MICALL1: variants seen among roughly 807,000 people sequenced by gnomAD.
MICALL1 encodes MICAL like 1.
MICALL1 carries 61 observed loss-of-function variants against 83.7 expected under a neutral mutation model. That is an observed-to-expected ratio of 0.73 (90% CI 0.59 to 0.90). The LOEUF (loss-of-function observed/expected upper bound fraction) is 0.90. Ranked by LOEUF, MICALL1 falls within the 40% of genes least tolerant of loss-of-function variation. The pLI is 0.00. For missense variants in MICALL1, 1,066 were observed against 1,152.0 expected (o/e 0.93, Z 1.08); for synonymous variants, 481 against 473.6 (o/e 1.02, Z -0.20).
intron 1 of MICALL1, among the ~76,000 whole-genome samples, chr22:37,911,475 G>T (rs1928317783): frequency 6.6e-6 from 1 of 152,212 alleles, no homozygotes; most frequent in Non-Finnish European, 1.5e-5. Flanking sequence ...CCAGGCCTCA[G>T]TGTCCTCATC....
chr22:37,927,132 T>A (rs550381142), intron 8 of MICALL1: 1 of 411,256 alleles, frequency 2.4e-6, no homozygotes, highest in South Asian at 7.3e-5. Flanking sequence ...CCAAGGTGGT[T>A]TTGCTGTGGG....
In MICALL1 at chr22:37,922,287, C is replaced by T; in HGVS notation, c.885C>T (p.Ser295=). The change falls in exon 6 of 16, where the codon AGC becomes AGT. Residue 295 remains serine, a synonymous_variant. Coordinates refer to ENST00000215957, the MANE Select transcript of MICALL1 (RefSeq NM_033386.4). Reference sequence around the variant, plus strand: ...CTGGCAAACTACAGGAGCTGGCCAGCCCCCCTGCGGGCCGCCCCACCCCTG... The same window carrying T: ...CTGGCAAACTACAGGAGCTGGCCAGTCCCCCTGCGGGCCGCCCCACCCCTG... ...RVPGKLQELA[S]PPAGRPTPAP... is the part of the protein sequence containing the mutation. The T allele has an allele frequency of 1.3e-6, 2 of 1,560,606 alleles. No homozygotes were observed. Among genetic ancestry groups the T allele is most frequent in the Non-Finnish European group, 8.7e-7 (1 of 1,153,542 alleles).
chr22:37,937,764 G>A lies in MICALL1; in HGVS notation c.2442G>A (p.Lys814=), dbSNP rs2145957339. 1 of 1,613,658 alleles carries A rather than the reference G, an allele frequency of 6.2e-7. No individual in the cohort carries two copies. Among genetic ancestry groups the A allele is most frequent in the East Asian group, 2.2e-5 (1 of 44,854 alleles). ...ATTTCAGGGAGGAAGAGGAAGACAA[G>A]ATGTTGGAAGCCATGATCAAGAAGA... The part of the protein sequence containing the change: ...EDRQREEEED[K]MLEAMIKKKE... Residue 814 remains lysine, a synonymous_variant, in exon 15 of 16, where the codon AAG becomes AAA. Transcript: ENST00000215957.
intron 2 of MICALL1, 56 bp downstream of exon 2, chr22:37,912,056 TG>T: frequency 6.3e-7 from 1 of 1,591,810 alleles, no homozygotes; most frequent in Non-Finnish European, 8.6e-7. Flanking sequence ...TGTGTGTGTG[TG>T]TGTGTGTTTG....
At chr22:37,919,635 CAAAAA>C (rs34083064) in intron 5 of MICALL1, among the ~76,000 whole-genome samples, 1 of 59,702 alleles carries the variant, frequency 1.7e-5, no homozygotes, top group Non-Finnish European at 3.1e-5. Flanking sequence ...GACTCTGTCT[CAAAAA>C]AAAAAAAAAA....
chr22:37,937,432 T>G (rs1930195820), intron 14 of MICALL1, among the ~76,000 whole-genome samples: 1 of 150,076 alleles, frequency 6.7e-6, no homozygotes, highest in Non-Finnish European at 1.5e-5. Flanking sequence ...TTTTTTTTTT[T>G]TTTTTTTTGA....
At chr22:37,933,829 G>C (rs1353124129) in intron 13 of MICALL1, among the ~76,000 whole-genome samples, 2 of 152,234 alleles carry the variant, frequency 1.3e-5, no homozygotes. Context: ...TGGAGGGCCA[G>C]AGAGGTCAAG....
intron 3 of MICALL1, 46 bp from the exon 4 acceptor site, chr22:37,917,661 C>T (rs1928761858): frequency 6.3e-7 from 1 of 1,592,832 alleles, no homozygotes; most frequent in Non-Finnish European, 8.6e-7. Flanking sequence ...TCCTGGGACT[C>T]CAGGATCTCC....
Position 37,932,368 on chromosome 22 carries a change from A to AT in MICALL1, c.2017-184dup, listed in dbSNP as rs1251626663. Among the ~76,000 whole-genome samples, 1 of 152,152 alleles carries AT rather than the reference A, an allele frequency of 6.6e-6. No homozygotes were observed. Among genetic ancestry groups the AT allele is most frequent in the East Asian group, 1.9e-4 (1 of 5,188 alleles). ...GTCTGTTGGTGCTGGGACCAGTGGCATGCAGGGTTGTGGCTGTCCCCACAC... is the reference window on the plus strand; with the variant it reads ...GTCTGTTGGTGCTGGGACCAGTGGCATTGCAGGGTTGTGGCTGTCCCCACAC... On this transcript the variant is annotated intron_variant, in intron 10 of 15. Coordinates refer to ENST00000215957, the MANE Select transcript of MICALL1 (RefSeq NM_033386.4). This position sits in a 1 kb window ranked among gnomAD's most constrained non-coding sequence, Gnocchi z 4.4.
At chr22:37,918,232 T>C (rs1431050298) in intron 4 of MICALL1, among the ~76,000 whole-genome samples, 1 of 152,176 alleles carries the variant, frequency 6.6e-6, no homozygotes, top group Non-Finnish European at 1.5e-5. Flanking sequence ...AGGTCAGCAT[T>C]ATGGGCCCTG....
intron 6 of MICALL1, among the ~76,000 whole-genome samples, chr22:37,922,791 T>TTTTG (rs1929164591): frequency 6.5e-5 from 9 of 138,806 alleles, no homozygotes; most frequent in African/African-American, 1.4e-4. Flanking sequence ...GTTTTGTTTT[T>TTTTG]TTTTGTTTTT....
intron 1 of MICALL1, among the ~76,000 whole-genome samples, chr22:37,909,992 C>T (rs1291645811): frequency 6.6e-6 from 1 of 152,048 alleles, no homozygotes; most frequent in East Asian, 1.9e-4. Flanking sequence ...GGGGGCTGGG[C>T]CATCCCTCCG....
At chr22:37,910,631 T>C (rs1928256976) in intron 1 of MICALL1, among the ~76,000 whole-genome samples, 1 of 152,064 alleles carries the variant, frequency 6.6e-6, no homozygotes, top group Non-Finnish European at 1.5e-5. Context: ...ACCTTGCCTC[T>C]CCCCGTCCAC....
rs551163384 is a variant in MICALL1 at position 37,910,230 on chromosome 22, T to C, written c.147-1722T>C. ...GTTTTTTACAGTTTTCACACTGTTT[T>C]CAACATTGATTCATTCAACAAACAT... On this transcript the variant is annotated intron_variant, in intron 1 of 15. Coordinates refer to ENST00000215957, the MANE Select transcript of MICALL1 (RefSeq NM_033386.4). Among the ~76,000 whole-genome samples the C allele has an allele frequency of 2.0e-5, 3 of 152,218 alleles. No individual in the cohort carries two copies. The South Asian group carries it at 6.2e-4, about 31-fold the overall frequency.
chr22:37,917,910 A>G (rs1601812270), intron 4 of MICALL1, 115 bp downstream of exon 4: 1 of 933,390 alleles, frequency 1.1e-6, no homozygotes, highest in East Asian at 2.7e-5. Flanking sequence ...CAGTGTTCAG[A>G]GGGTGCTTGT....
chr22:37,933,820 G>A (rs1286867549), intron 13 of MICALL1, among the ~76,000 whole-genome samples: 3 of 152,212 alleles, frequency 2.0e-5, no homozygotes, highest in Non-Finnish European at 4.4e-5. Flanking sequence ...GATGGGAAGT[G>A]GAGGGCCAGA....
Position 37,906,597 on chromosome 22 carries a change from G to A in MICALL1, c.146+29G>A. ...AGTGCGGGGCCCCGGGCGAGCGGGCGGCGCGGGGCGGGCTGGGGCCGCGAC... is the reference window on the plus strand; with the variant it reads ...AGTGCGGGGCCCCGGGCGAGCGGGCAGCGCGGGGCGGGCTGGGGCCGCGAC... On this transcript the variant is annotated intron_variant, in intron 1 of 15. Transcript: ENST00000215957. This position sits in a 1 kb window ranked among gnomAD's most constrained non-coding sequence, Gnocchi z 4.4. 8.6e-7 allele frequency: 1 copy of A among 1,157,322 alleles called. No individual in the cohort carries two copies. The highest frequency in any genetic ancestry group is 1.1e-6 in the Non-Finnish European group (1 of 935,832). 71.7% of individuals were successfully genotyped at this position (1,157,322 alleles called of 1,614,324 possible). A position where few individuals can be genotyped will look rare whatever the true frequency, so the allele number is the denominator to read the frequency against.
intron 5 of MICALL1, among the ~76,000 whole-genome samples, chr22:37,921,396 C>T (rs993466929): frequency 3.3e-5 from 5 of 151,932 alleles, no homozygotes; most frequent in Admixed American, 6.6e-5. Context: ...GGTGAAACTC[C>T]GTCTCTACTA....
Position 37,932,704 on chromosome 22 carries a change from G to T in MICALL1, c.2143+25G>T. ...GGTGCGGGAGCGGCTGGGAGGGCCTGCTGGGTGGGGCTGGGGGCAGGAGCC... is the reference window on the plus strand; with the variant it reads ...GGTGCGGGAGCGGCTGGGAGGGCCTTCTGGGTGGGGCTGGGGGCAGGAGCC... On this transcript the variant is annotated intron_variant, in intron 11 of 15. Coordinates refer to ENST00000215957, the MANE Select transcript of MICALL1 (RefSeq NM_033386.4). The surrounding 1 kb of genome is among the most constrained non-coding windows in gnomAD (Gnocchi z 4.4). 6.2e-7 allele frequency: 1 copy of T among 1,611,790 alleles called. No homozygotes were observed. The highest frequency in any genetic ancestry group is 8.5e-7 in the Non-Finnish European group (1 of 1,179,232).
Sources: allele counts gnomAD v4.1 joint callset (sites outside exome capture counted in the v4.1 genomes callset), GRCh38; gene constraint gnomAD v4.1.1; non-coding constraint Gnocchi (gnomAD v3.1); transcripts MANE v1.5; gene names NCBI Gene and HGNC (gene_info 2026-07-23, HGNC 2026-07-21).